Variants in KRT83 observed in about 807,000 individuals in gnomAD.
KRT83 encodes keratin, type II cuticular Hb3.
KRT83 carries 51 observed loss-of-function variants against 52.9 expected under a neutral mutation model. The observed-to-expected ratio is 0.96, with a 90% CI of 0.77 to 1.22. The LOEUF (loss-of-function observed/expected upper bound fraction) is 1.22. Ranked by LOEUF, KRT83 falls within the 50% of genes most tolerant of loss-of-function variation. The pLI is 0.00. For synonymous variants in KRT83, 278 were observed against 274.1 expected, an observed-to-expected ratio of 1.01 and a Z score of -0.14; for missense variants, 654 against 666.5, an observed-to-expected ratio of 0.98 and a Z score of 0.21.
In KRT83 at chr12:52,314,401, C is replaced by G; in HGVS notation, c.*230G>C. On this transcript the variant is annotated 3_prime_UTR_variant, in exon 9 of 9. Coordinates refer to ENST00000293670, the MANE Select transcript of KRT83 (RefSeq NM_002282.3). ...TCCAGGGAAGCAAGGCCCTTCTCCC[C>G]GGGAGGGGCTGAAGGCTGAGACAGG... 3.3e-6 allele frequency: 2 copies of G among 598,370 alleles called. No homozygotes were observed. Among genetic ancestry groups the G allele is most frequent in the Admixed American group, 2.7e-5 (1 of 37,358 alleles). The allele number at this position is 598,370 out of a possible 1,614,324, so 37.1% of individuals were successfully genotyped here.
rs1250301217 is a variant in KRT83 at position 52,316,921 on chromosome 12, C to A, written c.853G>T (p.Ala285Ser). ...CGGGTGGCAATGTCATCATACTGTG[C>A]CTTGATCTCGGCAACGATGCAGTCC... ...NMDCIVAEIKAQYDDIATRSR... is the reference protein window; with the variant it reads ...NMDCIVAEIKSQYDDIATRSR... Residue 285 changes from alanine to serine, a missense_variant, in exon 5 of 9, where the codon GCA becomes TCA. Coordinates refer to ENST00000293670, the MANE Select transcript of KRT83 (RefSeq NM_002282.3). The A allele has an allele frequency of 6.2e-7, 1 of 1,614,204 alleles. No homozygotes were observed. Among genetic ancestry groups the A allele is most frequent in the Non-Finnish European group, 8.5e-7 (1 of 1,180,038 alleles).
In KRT83 at chr12:52,314,410, C is replaced by T. The variant is rs895676012; in HGVS notation, c.*221G>A. ...GCAAGGCCCTTCTCCCCGGGAGGGG[C>T]TGAAGGCTGAGACAGGGGAAGGAAT... On this transcript the variant is annotated 3_prime_UTR_variant, in exon 9 of 9. Transcript: ENST00000293670. 1.6e-5 allele frequency: 10 copies of T among 611,222 alleles called. No homozygotes were observed. The African/African-American group carries it at 1.8e-4, about 11-fold the overall frequency. The allele number at this position is 611,222 out of a possible 1,614,324, so 37.9% of individuals were successfully genotyped here.
At chr12:52,319,075 G>A (rs1938729971) in intron 2 of KRT83, 81 bp downstream of exon 2, 1 of 1,598,510 alleles carries the variant, frequency 6.3e-7, no homozygotes, top group South Asian at 1.1e-5. Flanking sequence ...GATGCCAGCT[G>A]CAGACTGGAT....
intron 4 of KRT83, 28 bp downstream of exon 4, chr12:52,317,653 G>C: frequency 1.2e-6 from 2 of 1,608,664 alleles, no homozygotes; most frequent in Non-Finnish European, 1.7e-6. Context: ...GGGGGGATCT[G>C]TGCCCACCAT....
rs199842544 is a variant in KRT83 at position 52,316,823 on chromosome 12, G to T, written c.915+36C>A. The T allele has an allele frequency of 7.4e-6, 12 of 1,613,992 alleles. No homozygotes were observed. The African/African-American group carries it at 1.1e-4, about 14-fold the overall frequency. Reference sequence around the variant, plus strand: ...CTAGATACCTCACATCCCTCCCACTGCCATGTCTAGCAGGCAGGTGTCCTG... The same window carrying T: ...CTAGATACCTCACATCCCTCCCACTTCCATGTCTAGCAGGCAGGTGTCCTG... On this transcript the variant is annotated intron_variant, in intron 5 of 8. Transcript: ENST00000293670.
intron 7 of KRT83, 42 bp from the exon 8 acceptor site, chr12:52,315,385 C>A: frequency 1.2e-6 from 2 of 1,603,226 alleles, no homozygotes; most frequent in South Asian, 2.2e-5. Context: ...TAAAAGAAGT[C>A]AGAATGAGGT....
intron 6 of KRT83, 76 bp from the exon 7 acceptor site, chr12:52,316,189 T>A: frequency 6.4e-7 from 1 of 1,560,082 alleles, no homozygotes; most frequent in Non-Finnish European, 8.7e-7. Flanking sequence ...TCCAATAGGA[T>A]CATTCAACTT....
chr12:52,320,972 A>G lies in KRT83; in HGVS notation c.364T>C (p.Phe122Leu). ...KEQIKSLNSR[F>L]AAFIDKVRFL... ...CCCACCTTGTCGATGAAGGCCGCGA[A>G]TCTGCTGTTGAGGGACTTGATCTGC... is the stretch of plus-strand genomic sequence containing the variant. The change falls in exon 1 of 9, where the codon TTC becomes CTC. Residue 122 changes from phenylalanine to leucine, a missense_variant. Transcript: ENST00000293670. 6.2e-7 allele frequency: 1 copy of G among 1,613,854 alleles called. No homozygotes were observed. Among genetic ancestry groups the G allele is most frequent in the Non-Finnish European group, 8.5e-7 (1 of 1,179,872 alleles).
At chr12:52,318,538 T>C (rs1938723100) in intron 2 of KRT83, among the ~76,000 whole-genome samples, 1 of 152,134 alleles carries the variant, frequency 6.6e-6, no homozygotes, top group South Asian at 2.1e-4. Flanking sequence ...TGGCCTGAGC[T>C]GTGGGAGGCA....
chr12:52,319,000 C>G, intron 2 of KRT83, among the ~76,000 whole-genome samples, 156 bp downstream of exon 2: 1 of 152,178 alleles, frequency 6.6e-6, no homozygotes, highest in East Asian at 1.9e-4. Flanking sequence ...GCCTCCATCC[C>G]CCACACCCAA....
intron 1 of KRT83, 79 bp downstream of exon 1, chr12:52,320,873 G>A: frequency 5.6e-6 from 9 of 1,612,644 alleles, no homozygotes; most frequent in Non-Finnish European, 7.6e-6. Flanking sequence ...TCTTGCCTTT[G>A]ACTTCCCTGT....
At position 52,316,197 on chromosome 12, in the gene KRT83, C is replaced by A. The variant is rs2270266; in HGVS notation, c.1042-84G>T. The A allele has an allele frequency of 0.26, 401,425 of 1,529,722 alleles. 54,044 individuals carry two copies. Among genetic ancestry groups the A allele is most frequent in the East Asian group, 0.46 (19,254 of 41,518 alleles). 94.8% of individuals were successfully genotyped at this position (1,529,722 alleles called of 1,614,324 possible). A position where few individuals can be genotyped will look rare whatever the true frequency, so the allele number is the denominator to read the frequency against. ...GCCAGTCTCCAATAGGATCATTCAA[C>A]TTCTATCTTAAAATATTATCTCTCC... On this transcript the variant is annotated intron_variant, in intron 6 of 8. Coordinates refer to ENST00000293670, the MANE Select transcript of KRT83 (RefSeq NM_002282.3).
In KRT83 at chr12:52,320,795, G is replaced by T. The variant is rs577982135; in HGVS notation, c.384+157C>A. On this transcript the variant is annotated intron_variant, in intron 1 of 8. Coordinates refer to ENST00000293670, the MANE Select transcript of KRT83 (RefSeq NM_002282.3). ...TCTGGTAGCTCCCGGTCCCATTTTT[G>T]TCTTTCTGTCTGTGTCCTAGAAGTA... Among the ~76,000 whole-genome samples the T allele has an allele frequency of 2.0e-5, 3 of 152,256 alleles. No homozygotes were observed. In the East Asian group the frequency reaches 5.8e-4, roughly 29 times the overall value.
intron 1 of KRT83, among the ~76,000 whole-genome samples, chr12:52,319,792 CA>C (rs1938743061): frequency 6.6e-6 from 1 of 152,198 alleles, no homozygotes; most frequent in South Asian, 2.1e-4. Context: ...TTTAGAAAGG[CA>C]AACTGTAAAA....
intron 1 of KRT83, 88 bp downstream of exon 1, chr12:52,320,864 C>A: frequency 1.2e-6 from 2 of 1,612,210 alleles, no homozygotes. Flanking sequence ...TGGGCAAGTT[C>A]TTGCCTTTGA....
Position 52,316,922 on chromosome 12 carries a change from C to T in KRT83, c.852G>A (p.Lys284=), listed in dbSNP as rs746931042. Residue 284 remains lysine, a synonymous_variant, in exon 5 of 9, where the codon AAG becomes AAA. Transcript: ENST00000293670. ...LNMDCIVAEI[K]AQYDDIATRS... ...GGGTGGCAATGTCATCATACTGTGC[C>T]TTGATCTCGGCAACGATGCAGTCCA... is the stretch of plus-strand genomic sequence containing the variant. The T allele has an allele frequency of 5.6e-6, 9 of 1,614,094 alleles. No homozygotes were observed. Among genetic ancestry groups the T allele is most frequent in the Admixed American group, 1.7e-5 (1 of 60,008 alleles).
rs769799083 is a variant in KRT83 at position 52,319,257 on chromosome 12, G to A, written c.492C>T (p.Ile164=). The change falls in exon 2 of 9, where the codon ATC becomes ATT. Residue 164 remains isoleucine (I), a synonymous_variant. Coordinates refer to ENST00000293670, the MANE Select transcript of KRT83 (RefSeq NM_002282.3). ...SNLEPLFAGY[I]ETLRREAECV... ...ACTCGGCCTCCCGCCGCAGAGTCTC[G>A]ATGTAGCCAGCAAACAGGGGCTCCA... 1.3e-5 allele frequency: 21 copies of A among 1,613,850 alleles called. No homozygotes were observed. The East Asian group carries it at 1.6e-4, about 12-fold the overall frequency.
In KRT83 at chr12:52,321,361, A is replaced by G. The variant is rs1014118608; in HGVS notation, c.-26T>C. 6.2e-7 allele frequency: 1 copy of G among 1,613,556 alleles called. No individual in the cohort carries two copies. The highest frequency in any genetic ancestry group is 2.2e-5 in the East Asian group (1 of 44,878). On this transcript the variant is annotated 5_prime_UTR_variant, in exon 1 of 9. Transcript: ENST00000293670. ...GACGGAGGTTAGGAGGTGTCTGAAC[A>G]GTGGAGTAGATGGCAGAGGATGGAA... is the stretch of plus-strand genomic sequence containing the variant.
intron 1 of KRT83, among the ~76,000 whole-genome samples, chr12:52,319,626 G>A (rs1359129596): frequency 6.6e-6 from 1 of 152,190 alleles, no homozygotes; most frequent in African/African-American, 2.4e-5. Flanking sequence ...GCTGCCACTT[G>A]TTAACATTGT....
Sources: gnomAD v4.1 joint callset for allele counts (sites outside exome capture counted in the v4.1 genomes callset) on GRCh38, gnomAD v4.1.1 for gene constraint, MANE v1.5 for transcripts, NCBI Gene and HGNC (gene_info 2026-07-23, HGNC 2026-07-21) for gene names.